CYRIB: variants seen among roughly 807,000 people sequenced by gnomAD.
The protein encoded by CYRIB is CYFIP-related Rac1 interactor B.
CYRIB carries 8 observed loss-of-function variants against 44.2 expected under a neutral mutation model. That is an observed-to-expected ratio of 0.18 (90% CI 0.11 to 0.33). CYRIB has a LOEUF of 0.33. Among genes scored for constraint, CYRIB ranks in the 10% least tolerant of loss-of-function variants. The probability of loss-of-function intolerance (pLI) is 1.00; values close to 1 mark genes in which losing one functional copy is unlikely to be tolerated. For synonymous variants in CYRIB, 131 were observed against 127.2 expected (o/e 1.03, Z -0.20); for missense variants, 185 against 382.8 (o/e 0.48, Z 4.31).
chr8:129,936,427 A>G (rs905319785), intron 1 of CYRIB, among the ~76,000 whole-genome samples: 7 of 152,196 alleles, frequency 4.6e-5, no homozygotes, highest in Admixed American at 3.3e-4. Context: ...TAGGTGTTCA[A>G]TACTACAGCG....
At chr8:129,871,571 TAAC>T (rs1451253095) in intron 3 of CYRIB, 75 bp from the exon 6 acceptor site, 2 of 1,475,390 alleles carry the variant, frequency 1.4e-6, no homozygotes, top group Non-Finnish European at 9.2e-7. Flanking sequence ...TCTAAGCAAT[TAAC>T]AACCCAAATT....
intron 1 of CYRIB, among the ~76,000 whole-genome samples, chr8:129,911,552 A>T (rs1237503179): frequency 1.3e-5 from 2 of 152,272 alleles, no homozygotes; most frequent in East Asian, 1.9e-4. Flanking sequence ...CTGTAATCCC[A>T]GCACTTTGCG....
At chr8:129,902,499 C>A (rs2072750110) in intron 2 of CYRIB, among the ~76,000 whole-genome samples, 1 of 152,126 alleles carries the variant, frequency 6.6e-6, no homozygotes, top group South Asian at 2.1e-4. Context: ...AGATGACAGG[C>A]ATGAGCCACT....
chr8:129,894,722 A>C (rs2067056827), intron 2 of CYRIB, among the ~76,000 whole-genome samples: 1 of 152,010 alleles, frequency 6.6e-6, no homozygotes, highest in African/African-American at 2.4e-5. Context: ...TCTCTGGTAA[A>C]AGCAGCATCA....
chr8:129,883,589 T>C (rs923590052), intron 2 of CYRIB, among the ~76,000 whole-genome samples: 2 of 152,132 alleles, frequency 1.3e-5, no homozygotes, highest in Non-Finnish European at 2.9e-5. Flanking sequence ...TGCTATATTT[T>C]AACCTGGCCA....
intron 10 of CYRIB, chr8:129,847,431 T>C (rs1215682357): frequency 6.6e-6 from 1 of 152,152 alleles, no homozygotes; most frequent in East Asian, 1.9e-4. Flanking sequence ...ACTACTGCAC[T>C]CCAGCCTGGG....
At chr8:129,878,566 T>C (rs562142058) in intron 3 of CYRIB, among the ~76,000 whole-genome samples, 1 of 152,320 alleles carries the variant, frequency 6.6e-6, no homozygotes, top group African/African-American at 2.4e-5. Flanking sequence ...TTCCTAACAA[T>C]TTTCTATTGA....
intron 1 of CYRIB, among the ~76,000 whole-genome samples, chr8:129,908,172 T>C (rs2076366112): frequency 1.3e-5 from 2 of 152,022 alleles, no homozygotes; most frequent in South Asian, 2.1e-4. Context: ...TGCTAAAATA[T>C]AAAGCACTAT....
chr8:129,958,487 T>C (rs2095016109), intron 2 of CYRIB, among the ~76,000 whole-genome samples: 1 of 152,140 alleles, frequency 6.6e-6, no homozygotes, highest in Non-Finnish European at 1.5e-5. Context: ...AAAACTGTAT[T>C]CTGTATTTTG....
intron 1 of CYRIB, among the ~76,000 whole-genome samples, chr8:129,984,221 G>A (rs1424428276): frequency 6.6e-6 from 1 of 152,220 alleles, no homozygotes; most frequent in Non-Finnish European, 1.5e-5. Flanking sequence ...CAGTCAGAGG[G>A]CTGCAGGGGC....
At chr8:130,012,724 G>A (rs530684021) in intron 1 of CYRIB, among the ~76,000 whole-genome samples, 62 of 152,248 alleles carry the variant, frequency 4.1e-4, no homozygotes, top group African/African-American at 1.3e-3. Flanking sequence ...AGGCTGTAGG[G>A]CCCCAAAACC....
intron 1 of CYRIB, among the ~76,000 whole-genome samples, chr8:129,921,038 G>A (rs2083289094): frequency 6.6e-6 from 1 of 152,114 alleles, no homozygotes; most frequent in South Asian, 2.1e-4. Context: ...TATGCTAAAT[G>A]ATGTACAAGA....
intron 2 of CYRIB, among the ~76,000 whole-genome samples, chr8:129,891,695 A>G (rs1226420472): frequency 6.6e-6 from 1 of 152,246 alleles, no homozygotes; most frequent in African/African-American, 2.4e-5. Context: ...CTTGATTTCT[A>G]GTCCTGACTC....
intron 4 of CYRIB, among the ~76,000 whole-genome samples, chr8:129,870,392 G>A (rs1429711283): frequency 1.3e-5 from 2 of 152,172 alleles, no homozygotes; most frequent in African/African-American, 2.4e-5. Flanking sequence ...CAGGGTGACG[G>A]AGCTAAACCC....
chr8:130,012,479 A>C (rs2097249061), intron 1 of CYRIB, among the ~76,000 whole-genome samples: 2 of 152,012 alleles, frequency 1.3e-5, no homozygotes, highest in South Asian at 4.1e-4. Flanking sequence ...GGACCAGGGG[A>C]GGGACAGAAA....
chr8:129,868,324 GT>G (rs1442253418), intron 4 of CYRIB, among the ~76,000 whole-genome samples: 1 of 151,886 alleles, frequency 6.6e-6, no homozygotes, highest in Non-Finnish European at 1.5e-5. Flanking sequence ...CAGCTTTTCC[GT>G]TTTTTAGCTT....
intron 1 of CYRIB, among the ~76,000 whole-genome samples, chr8:130,013,352 T>C (rs1449199340): frequency 6.6e-6 from 1 of 152,120 alleles, no homozygotes; most frequent in East Asian, 1.9e-4. Context: ...AACCAAGGCA[T>C]GAATTTGGAT....
chr8:129,942,733 A>G (rs140358814), upstream of CYRIB, among the ~76,000 whole-genome samples: 41 of 152,330 alleles, frequency 2.7e-4, no homozygotes, highest in African/African-American at 8.9e-4. Flanking sequence ...GAGTCCTTAC[A>G]ATGTGCCAGG....
chr8:129,908,049 C>T (rs1304471388), intron 1 of CYRIB, among the ~76,000 whole-genome samples: 2 of 152,152 alleles, frequency 1.3e-5, no homozygotes, highest in African/African-American at 4.8e-5. Context: ...CCATGGAAAA[C>T]TAAGACAGAC....
Sources: gnomAD v4.1 joint callset for allele counts (sites outside exome capture counted in the v4.1 genomes callset) on GRCh38, gnomAD v4.1.1 for gene constraint, MANE v1.5 for transcripts, NCBI Gene and HGNC (gene_info 2026-07-23, HGNC 2026-07-21) for gene names.